Variants in PSIP1 observed in about 807,000 individuals in gnomAD.
The protein encoded by PSIP1 is PC4 and SRSF1 interacting protein 1.
Under a neutral mutation model 74.7 loss-of-function variants are expected in PSIP1, and 19 were observed. The observed-to-expected ratio is 0.25, with a 90% confidence interval of 0.18 to 0.37. The LOEUF is 0.37. Among genes scored for constraint, PSIP1 ranks in the 10% least tolerant of loss-of-function variants. PSIP1 has a pLI of 1.00. For missense variants in PSIP1, 601 were observed against 614.3 expected, an observed-to-expected ratio of 0.98 and a Z score of 0.23; for synonymous variants, 222 against 195.3, an observed-to-expected ratio of 1.14 and a Z score of -1.14.
chr9:15,467,328 G>C (rs981838229), intron 14 of PSIP1, among the ~76,000 whole-genome samples: 18 of 152,130 alleles, frequency 1.2e-4, no homozygotes, highest in African/African-American at 4.3e-4. Context: ...GGGTTTTCCT[G>C]TAAGTCGTAT....
intron 10 of PSIP1, chr9:15,471,620 G>A (rs2035834641): frequency 1.1e-6 from 1 of 951,474 alleles, no homozygotes; most frequent in Non-Finnish European, 1.3e-6. Flanking sequence ...AACATTAGAG[G>A]GAATAATATT....
intron 2 of PSIP1, among the ~76,000 whole-genome samples, chr9:15,507,126 G>A (rs2037628432): frequency 6.6e-6 from 1 of 152,142 alleles, no homozygotes; most frequent in South Asian, 2.1e-4. Context: ...GTTTAAATCA[G>A]TACCTCCCAA....
rs183877457 is a variant in PSIP1, at chr9:15,467,844, G to C, written c.1420+786C>G. 1.2e-3 allele frequency among the ~76,000 whole-genome samples: 180 copies of C among 152,284 alleles called. 2 individuals carry two copies. The highest frequency in any genetic ancestry group is 4.0e-3 in the African/African-American group (167 of 41,556). On this transcript the variant is annotated intron_variant, in intron 14 of 15. Coordinates refer to ENST00000380733, the MANE Select transcript of PSIP1 (RefSeq NM_033222.5). ...AGTGCTTTGTAAGACTTTATCACCA[G>C]GCGCGGTGGCTCATGCCTGTAATCC...
At chr9:15,509,021 G>A (rs960680394) in intron 2 of PSIP1, among the ~76,000 whole-genome samples, 19 of 152,304 alleles carry the variant, frequency 1.2e-4, no homozygotes, top group South Asian at 4.1e-4. Context: ...CAGCTAGATG[G>A]AAGAAAGTCA....
At chr9:15,498,911 G>A (rs1018943936) in intron 3 of PSIP1, among the ~76,000 whole-genome samples, 4 of 151,926 alleles carry the variant, frequency 2.6e-5, no homozygotes, top group South Asian at 2.1e-4. Context: ...AAAAAAACAC[G>A]TCAAAATATT....
At chr9:15,492,722 C>T (rs12350062) in intron 3 of PSIP1, among the ~76,000 whole-genome samples, 10,084 of 151,780 alleles carry the variant, frequency 0.066, 461 homozygotes, top group African/African-American at 0.13. Flanking sequence ...GACATCCAGG[C>T]ATTTCCACAT....
intron 3 of PSIP1, among the ~76,000 whole-genome samples, chr9:15,498,768 CAGT>C (rs776821298): frequency 6.6e-6 from 1 of 151,928 alleles, no homozygotes; most frequent in Non-Finnish European, 1.5e-5. Flanking sequence ...AAAATGTTAA[CAGT>C]AGGTCTGACT....
At chr9:15,501,368 G>C (rs928618631) in intron 3 of PSIP1, among the ~76,000 whole-genome samples, 1 of 150,782 alleles carries the variant, frequency 6.6e-6, no homozygotes, top group African/African-American at 2.5e-5. Flanking sequence ...CCAGCTCTTC[G>C]AGTGTGGGTG....
intron 3 of PSIP1, among the ~76,000 whole-genome samples, 200 bp from the exon 4 acceptor site, chr9:15,490,324 A>G (rs1397227750): frequency 6.6e-6 from 1 of 152,214 alleles, no homozygotes; most frequent in African/African-American, 2.4e-5. Context: ...CCATAATCCT[A>G]TTAAGTAAAA....
intron 3 of PSIP1, among the ~76,000 whole-genome samples, chr9:15,500,334 G>C (rs753629689): frequency 6.6e-6 from 1 of 151,960 alleles, no homozygotes; most frequent in African/African-American, 2.4e-5. Context: ...GTGTGGTGGC[G>C]AGCGCCTGTA....
At chr9:15,476,707 G>A (rs949779045) in intron 8 of PSIP1, among the ~76,000 whole-genome samples, 2 of 152,176 alleles carry the variant, frequency 1.3e-5, no homozygotes, top group South Asian at 4.1e-4. Context: ...AGACGAGCAT[G>A]TCTGAGAAAA....
chr9:15,506,423 A>AG, intron 3 of PSIP1, 138 bp downstream of exon 3: 1 of 531,292 alleles, frequency 1.9e-6, no homozygotes, highest in Non-Finnish European at 3.3e-6. Context: ...TTAAAAATAG[A>AG]GACTTAAAGA....
rs767922897 is a variant in PSIP1, at chr9:15,497,325, C to CTTT, written c.150-7204_150-7202dup. Among the ~76,000 whole-genome samples, 21 of 118,560 alleles carry CTTT rather than the reference C, an allele frequency of 1.8e-4. 1 individual carries two copies. Among genetic ancestry groups the CTTT allele is most frequent in the African/African-American group, 7.2e-4 (18 of 24,862 alleles). 77.8% of individuals were successfully genotyped at this position (118,560 alleles called of 152,430 possible). ...CTGAAGACCACACGTTCTATGATTCCTTTTTTTTTTTTTTTTGAGACAGAG... is the reference window on the plus strand; with the variant it reads ...CTGAAGACCACACGTTCTATGATTCCTTTTTTTTTTTTTTTTTTTGAGACAGAG... On this transcript the variant is annotated intron_variant, in intron 3 of 15. Coordinates refer to ENST00000380733, the MANE Select transcript of PSIP1 (RefSeq NM_033222.5).
At chr9:15,498,426 A>C (rs1389420172) in intron 3 of PSIP1, among the ~76,000 whole-genome samples, 1 of 152,094 alleles carries the variant, frequency 6.6e-6, no homozygotes, top group African/African-American at 2.4e-5. Flanking sequence ...AAAACACAAA[A>C]CAAAACAAAA....
chr9:15,484,307 T>C (rs2036465980), intron 6 of PSIP1, among the ~76,000 whole-genome samples: 2 of 145,814 alleles, frequency 1.4e-5, no homozygotes, highest in Admixed American at 6.9e-5. Context: ...AAAAAAAATA[T>C]ATATATATAG....
rs890087301 is a variant in PSIP1 at position 15,470,947 on chromosome 9, A to AAC, written c.978-955_978-954insGT. The AAC allele has an allele frequency of 3.4e-5, 39 of 1,149,894 alleles. No homozygotes were observed. The African/African-American group carries it at 6.1e-4, about 18-fold the overall frequency. The allele number at this position is 1,149,894 out of a possible 1,614,324, so 71.2% of individuals were successfully genotyped here. A position where few individuals can be genotyped will look rare whatever the true frequency, so the allele number is the denominator to read the frequency against. Reference sequence around the variant, plus strand: ...TTTAAGCTTGGTTAAAAAAAAAAAAAAAAAAAAAAAACAGGAATGATGGCC... The same window carrying AAC: ...TTTAAGCTTGGTTAAAAAAAAAAAAAACAAAAAAAAAAACAGGAATGATGGCC... On this transcript the variant is annotated intron_variant, in intron 10 of 15. Transcript: ENST00000380733.
intron 6 of PSIP1, among the ~76,000 whole-genome samples, chr9:15,484,304 AT>A (rs200712939): frequency 2.3e-3 from 301 of 129,578 alleles, no homozygotes; most frequent in African/African-American, 8.1e-3. Flanking sequence ...AAAAAAAAAA[AT>A]ATATATATAT....
chr9:15,491,835 A>C (rs569815928), intron 3 of PSIP1: 3 of 152,926 alleles, frequency 2.0e-5, no homozygotes, highest in Non-Finnish European at 4.4e-5. Context: ...ATCATGGCAG[A>C]AGGCACCTCT....
chr9:15,484,974 T>C (rs986773115), intron 6 of PSIP1, among the ~76,000 whole-genome samples: 3 of 151,014 alleles, frequency 2.0e-5, no homozygotes, highest in East Asian at 3.9e-4. Flanking sequence ...GTCCCAGCTA[T>C]TAGGGAGGGT....
Sources: gnomAD v4.1 joint callset for allele counts (sites outside exome capture counted in the v4.1 genomes callset) on GRCh38, gnomAD v4.1.1 for gene constraint, MANE v1.5 for transcripts, NCBI Gene and HGNC (gene_info 2026-07-23, HGNC 2026-07-21) for gene names.